The following IQCH variants were observed in gnomAD, a reference collection of about 807,000 sequenced individuals.
IQCH encodes the protein IQ motif containing H.
In IQCH, 98 loss-of-function variants were observed where a neutral mutation model predicts 117.0. The ratio of observed to expected loss-of-function variants is 0.84; its 90% CI spans 0.71 to 0.99. The LOEUF (loss-of-function observed/expected upper bound fraction) is 0.99. IQCH is among the 50% of genes least tolerant of loss of function. The pLI is 0.00. For synonymous variants in IQCH, 412 were observed against 448.2 expected (o/e 0.92, Z 1.02); for missense variants, 1,102 against 1,243.8 (o/e 0.89, Z 1.72).
intron 13 of IQCH, among the ~76,000 whole-genome samples, chr15:67,398,879 A>C (rs1971551965): frequency 6.6e-6 from 1 of 152,188 alleles, no homozygotes; most frequent in South Asian, 2.1e-4. Context: ...GCTTTCTGGG[A>C]AGTATAGACT....
At position 67,395,667 on chromosome 15, in the gene IQCH, T is replaced by C; in HGVS notation, c.1905+104T>C. 1 of 851,320 alleles carries C rather than the reference T, an allele frequency of 1.2e-6. No homozygotes were observed. Among genetic ancestry groups the C allele is most frequent in the South Asian group, 2.0e-5 (1 of 49,242 alleles). 52.7% of individuals were successfully genotyped at this position (851,320 alleles called of 1,614,324 possible). A position where few individuals can be genotyped will look rare whatever the true frequency, so the allele number is the denominator to read the frequency against. ...GGAGCCAGACCTACCCAATGAAGAA[T>C]AGGTGGAATATTTGAGTTGATTTGA... On this transcript the variant is annotated intron_variant, in intron 13 of 20. Coordinates refer to ENST00000335894, the MANE Select transcript of IQCH (RefSeq NM_001031715.3). The surrounding 1 kb of genome is among the most constrained non-coding windows in gnomAD (Gnocchi z 4.0).
At chr15:67,421,254 A>G in intron 15 of IQCH, 37 bp from the exon 16 acceptor site, 1 of 1,571,520 alleles carries the variant, frequency 6.4e-7, no homozygotes, top group African/African-American at 1.3e-5. Flanking sequence ...AACAAAATGC[A>G]TGTGTCCTTT....
At chr15:67,270,525 G>A (rs144381902) in intron 3 of IQCH, among the ~76,000 whole-genome samples, 165 of 152,304 alleles carry the variant, frequency 1.1e-3, no homozygotes, top group African/African-American at 3.9e-3. Flanking sequence ...TTTGGGTTGT[G>A]GGGGTGGATC....
intron 4 of IQCH, among the ~76,000 whole-genome samples, chr15:67,293,123 C>T (rs1037039): frequency 0.45 from 68,813 of 152,024 alleles, 16,050 homozygotes; most frequent in Non-Finnish European, 0.52. Flanking sequence ...ATGGGTTTAA[C>T]AGTAGTATCT....
At position 67,475,866 on chromosome 15, in the gene IQCH, G is replaced by A; in HGVS notation, c.2799+48G>A. On this transcript the variant is annotated intron_variant, in intron 18 of 20. Coordinates refer to ENST00000335894, the MANE Select transcript of IQCH (RefSeq NM_001031715.3). The surrounding 1 kb of genome is among the most constrained non-coding windows in gnomAD (Gnocchi z 5.7). ...AGGGGCGGCCAAAGACATGCCTGTGGGTGATCTAGGTAGCTAATAATTTGG... is the reference window on the plus strand; with the variant it reads ...AGGGGCGGCCAAAGACATGCCTGTGAGTGATCTAGGTAGCTAATAATTTGG... 6.6e-7 allele frequency: 1 copy of A among 1,525,818 alleles called. No individual in the cohort carries two copies. Among genetic ancestry groups the A allele is most frequent in the Non-Finnish European group, 9.0e-7 (1 of 1,105,482 alleles). 94.5% of individuals were successfully genotyped at this position (1,525,818 alleles called of 1,614,324 possible).
intron 1 of IQCH, 103 bp from the exon 2 acceptor site, chr15:67,261,169 G>A (rs1471460682): frequency 1.4e-5 from 10 of 716,336 alleles, no homozygotes; most frequent in Admixed American, 3.3e-5. Context: ...TCAGCTTTGT[G>A]TCTCTACCAA....
At chr15:67,300,556 C>T (rs1052255682) in intron 4 of IQCH, among the ~76,000 whole-genome samples, 3 of 152,166 alleles carry the variant, frequency 2.0e-5, no homozygotes, top group East Asian at 1.9e-4. Flanking sequence ...CAGCAGCTGT[C>T]TTTAACCAGT....
chr15:67,317,158 C>T (rs1967886786), intron 4 of IQCH, among the ~76,000 whole-genome samples: 1 of 152,100 alleles, frequency 6.6e-6, no homozygotes, highest in Non-Finnish European at 1.5e-5. Context: ...TGAATAATAC[C>T]TTGTTAAAGA....
Position 67,376,038 on chromosome 15 carries a change from C to T in IQCH, c.1372+2605C>T, listed in dbSNP as rs948912546. On this transcript the variant is annotated intron_variant, in intron 10 of 20. Coordinates refer to ENST00000335894, the MANE Select transcript of IQCH (RefSeq NM_001031715.3). This position sits in a 1 kb window ranked among gnomAD's most constrained non-coding sequence, Gnocchi z 5.0. ...CTGACCTCAAGTGATCCACCAGCCT[C>T]GGCCTCCCAAAGTGCTGGGATTATA... is the stretch of plus-strand genomic sequence containing the variant. Among the ~76,000 whole-genome samples, 30 of 152,198 alleles carry T rather than the reference C, an allele frequency of 2.0e-4. No individual in the cohort carries two copies. The highest frequency in any genetic ancestry group is 7.2e-4 in the African/African-American group (30 of 41,532).
intron 20 of IQCH, among the ~76,000 whole-genome samples, chr15:67,495,006 T>C (rs1596499759): frequency 1.3e-5 from 2 of 152,328 alleles, no homozygotes; most frequent in East Asian, 3.9e-4. Context: ...GTACGGGAGT[T>C]TCTGAAATAC....
intron 4 of IQCH, among the ~76,000 whole-genome samples, chr15:67,279,808 C>T (rs902321388): frequency 6.6e-6 from 1 of 152,102 alleles, no homozygotes. Context: ...CAAGACCATC[C>T]TGGCTAACAT....
rs886955454 is a variant in IQCH, at chr15:67,427,687, C to T, written c.2505+6110C>T. On this transcript the variant is annotated intron_variant, in intron 16 of 20. Coordinates refer to ENST00000335894, the MANE Select transcript of IQCH (RefSeq NM_001031715.3). This position sits in a 1 kb window ranked among gnomAD's most constrained non-coding sequence, Gnocchi z 4.7. Reference sequence around the variant, plus strand: ...TTAAAGCACTTATTTTCTGTATCAGCAAATTCAAATGTTAATAATAATCAT... The same window carrying T: ...TTAAAGCACTTATTTTCTGTATCAGTAAATTCAAATGTTAATAATAATCAT... Among the ~76,000 whole-genome samples, 1 of 152,078 alleles carries T rather than the reference C, an allele frequency of 6.6e-6. No homozygotes were observed. The highest frequency in any genetic ancestry group is 1.5e-5 in the Non-Finnish European group (1 of 68,020).
rs1170960039 is a variant in IQCH, at chr15:67,479,599, AAAGTTTAAC to A, written c.2799+3784_2799+3792del. Among the ~76,000 whole-genome samples the A allele has an allele frequency of 6.6e-6, 1 of 152,220 alleles. No individual in the cohort carries two copies. The highest frequency in any genetic ancestry group is 2.4e-5 in the African/African-American group (1 of 41,452). Reference sequence around the variant, plus strand: ...ATCTCTACATTAAAAAGGAGAAAAAAAAGTTTAACAATTAATTTCCCTAAAATTTTATTG... The same window carrying A: ...ATCTCTACATTAAAAAGGAGAAAAAAAATTAATTTCCCTAAAATTTTATTG... On this transcript the variant is annotated intron_variant, in intron 18 of 20. Transcript: ENST00000335894. This position sits in a 1 kb window ranked among gnomAD's most constrained non-coding sequence, Gnocchi z 4.6.
intron 4 of IQCH, chr15:67,281,867 G>C (rs1481797508): frequency 2.3e-6 from 1 of 426,058 alleles, no homozygotes; most frequent in East Asian, 7.1e-5. Flanking sequence ...ATCTCTAAGA[G>C]TGTGCTCATC....
rs746190720 is a variant in IQCH at position 67,387,643 on chromosome 15, A to T, written c.1457-1188A>T. Among the ~76,000 whole-genome samples, 33 of 152,168 alleles carry T rather than the reference A, an allele frequency of 2.2e-4. No individual in the cohort carries two copies. The highest frequency in any genetic ancestry group is 3.4e-4 in the Non-Finnish European group (23 of 68,016). On this transcript the variant is annotated intron_variant, in intron 11 of 20. Coordinates refer to ENST00000335894, the MANE Select transcript of IQCH (RefSeq NM_001031715.3). This position sits in a 1 kb window ranked among gnomAD's most constrained non-coding sequence, Gnocchi z 4.8. ...GCCAGCCTAGTCAGGGTGGGCCAGG[A>T]GCACATTCACACACCTGTGCTGTTT...
chr15:67,279,585 G>A, intron 4 of IQCH, 73 bp downstream of exon 4: 1 of 804,716 alleles, frequency 1.2e-6, no homozygotes, highest in Non-Finnish European at 2.1e-6. Context: ...GCAGAGACTA[G>A]GAGTGACTTT....
intron 14 of IQCH, among the ~76,000 whole-genome samples, chr15:67,409,444 G>A (rs1458584355): frequency 6.6e-6 from 1 of 152,176 alleles, no homozygotes; most frequent in East Asian, 1.9e-4. Context: ...GTGGTCGGGG[G>A]CAAAGCAGTT....
chr15:67,449,125 C>A (rs1164826672), intron 16 of IQCH, among the ~76,000 whole-genome samples: 10 of 151,112 alleles, frequency 6.6e-5, no homozygotes, highest in South Asian at 4.2e-4. Flanking sequence ...TGGATATTAG[C>A]CCTTTGTCAG....
intron 4 of IQCH, among the ~76,000 whole-genome samples, chr15:67,316,486 C>A (rs759380519): frequency 2.6e-5 from 4 of 152,106 alleles, no homozygotes; most frequent in Non-Finnish European, 5.9e-5. Flanking sequence ...AACTTTCTAC[C>A]ATCTTGGGTT....
Sources: allele counts gnomAD v4.1 joint callset (sites outside exome capture counted in the v4.1 genomes callset), GRCh38; gene constraint gnomAD v4.1.1; non-coding constraint Gnocchi (gnomAD v3.1); transcripts MANE v1.5; gene names NCBI Gene and HGNC (gene_info 2026-07-23, HGNC 2026-07-21).